The following ADAMTS2 variants were observed in gnomAD, a reference collection of about 807,000 sequenced individuals.
The protein encoded by ADAMTS2 is A disintegrin and metalloproteinase with thrombospondin motifs 2.
In ADAMTS2, 50 loss-of-function variants were observed where a neutral mutation model predicts 123.0. The observed-to-expected ratio is 0.41, with a 90% confidence interval of 0.32 to 0.51. The LOEUF (loss-of-function observed/expected upper bound fraction) is 0.51, where lower values mean the gene tolerates loss of function less well. ADAMTS2 is among the 20% of genes least tolerant of loss of function. ADAMTS2 has a pLI of 0.35. For missense variants in ADAMTS2, 1,494 were observed against 1,705.2 expected, an observed-to-expected ratio of 0.88 and a Z score of 2.18; for synonymous variants, 678 against 695.4, an observed-to-expected ratio of 0.98 and a Z score of 0.39.
At chr5:179,276,666 G>A (rs1054810544) in intron 2 of ADAMTS2, among the ~76,000 whole-genome samples, 2 of 152,192 alleles carry the variant, frequency 1.3e-5, no homozygotes, top group African/African-American at 4.8e-5. Context: ...ACAGGCTGCT[G>A]GGGACACACA....
chr5:179,321,209 C>T (rs1477904539), intron 2 of ADAMTS2, among the ~76,000 whole-genome samples: 1 of 152,180 alleles, frequency 6.6e-6, no homozygotes, highest in South Asian at 2.1e-4. Context: ...TGAGCAAACT[C>T]AAGCCACCTA....
At position 179,309,037 on chromosome 5, in the gene ADAMTS2, C is replaced by T. The variant is rs536588664; in HGVS notation, c.534+34730G>A. ...GTCTCTTCCGCTGCCCTGGCAGCCC[C>T]GTGCCTCCTGACTGTGGACTGGAGT... On this transcript the variant is annotated intron_variant, in intron 2 of 21. Transcript: ENST00000251582. 3.3e-5 allele frequency among the ~76,000 whole-genome samples: 5 copies of T among 152,310 alleles called. No homozygotes were observed. The East Asian group carries it at 7.7e-4, about 24-fold the overall frequency.
In ADAMTS2 at chr5:179,254,890, T is replaced by C. The variant is rs190042558; in HGVS notation, c.688+18021A>G. On this transcript the variant is annotated intron_variant, in intron 3 of 21. Coordinates refer to ENST00000251582, the MANE Select transcript of ADAMTS2 (RefSeq NM_014244.5). ...TCAGGGACAGAGACCAGATTGTTCA[T>C]ACTCAGTGCCCAGCAGGGCGCTGGC... Among the ~76,000 whole-genome samples the C allele has an allele frequency of 2.0e-5, 3 of 152,354 alleles. No individual in the cohort carries two copies. In the East Asian group the frequency reaches 5.8e-4, roughly 29 times the overall value.
At chr5:179,248,376 C>G (rs1375823110) in intron 3 of ADAMTS2, among the ~76,000 whole-genome samples, 2 of 152,012 alleles carry the variant, frequency 1.3e-5, no homozygotes, top group African/African-American at 4.8e-5. Context: ...AATTCAGTCC[C>G]TCCTTATCAG....
At chr5:179,214,538 T>G (rs1353535161) in intron 3 of ADAMTS2, among the ~76,000 whole-genome samples, 1 of 145,632 alleles carries the variant, frequency 6.9e-6, no homozygotes, top group Non-Finnish European at 1.5e-5. Context: ...CATAAAATAA[T>G]GCAAAGATCA....
chr5:179,200,960 G>A (rs1425915820), intron 4 of ADAMTS2, among the ~76,000 whole-genome samples: 1 of 152,002 alleles, frequency 6.6e-6, no homozygotes, highest in Non-Finnish European at 1.5e-5. Flanking sequence ...GCATGAATAG[G>A]CCAAGCAAAA....
Position 179,117,613 on chromosome 5 carries a change from C to T in ADAMTS2, c.3179-3289G>A, listed in dbSNP as rs1281018567. Among the ~76,000 whole-genome samples the T allele has an allele frequency of 1.3e-5, 2 of 149,932 alleles. No individual in the cohort carries two copies. The highest frequency in any genetic ancestry group is 2.5e-5 in the African/African-American group (1 of 40,490). On this transcript the variant is annotated intron_variant, in intron 21 of 21. Transcript: ENST00000251582. This position sits in a 1 kb window ranked among gnomAD's most constrained non-coding sequence, Gnocchi z 4.2. ...TGTCGCCCAGGCTGGAGTGCAGTGG[C>T]GTGATCTTGGCTCACTGCAACCTCC...
At position 179,162,603 on chromosome 5, in the gene ADAMTS2, G is replaced by A. The variant is rs1238072451; in HGVS notation, c.976-3724C>T. On this transcript the variant is annotated intron_variant, in intron 5 of 21. Coordinates refer to ENST00000251582, the MANE Select transcript of ADAMTS2 (RefSeq NM_014244.5). This position sits in a 1 kb window ranked among gnomAD's most constrained non-coding sequence, Gnocchi z 5.1. ...CACCCATGTCAGCTTTACCCCACAC[G>A]GTCGCCCCTGCTCGAGGGACCCAAG... Among the ~76,000 whole-genome samples the A allele has an allele frequency of 2.0e-5, 3 of 152,124 alleles. No individual in the cohort carries two copies. Among genetic ancestry groups the A allele is most frequent in the East Asian group, 1.9e-4 (1 of 5,184 alleles).
rs924936047 is a variant in ADAMTS2, at chr5:179,130,048, C to T, written c.2341G>A (p.Val781Met). 1.4e-5 allele frequency: 22 copies of T among 1,614,192 alleles called. No homozygotes were observed. Among genetic ancestry groups the T allele is most frequent in the South Asian group, 4.4e-5 (4 of 91,078 alleles). ...ATGAAGGTTTTGGAACTGGCATCCA[C>T]GTCATTCTCTTCATTTAAGATGAAC... ...GKFILNEEND[V>M]DASSKTFIAM... is the part of the protein sequence containing the mutation. The change falls in exon 16 of 22, where the codon GTG becomes ATG. Residue 781 changes from valine (V) to methionine (M), a missense_variant. Physicochemically the swap from Val to Met is conservative, Grantham distance 21. Coordinates refer to ENST00000251582, the MANE Select transcript of ADAMTS2 (RefSeq NM_014244.5). This position sits in a 1 kb window ranked among gnomAD's most constrained non-coding sequence, Gnocchi z 4.3.
At chr5:179,131,921 C>G (rs758460267) in intron 15 of ADAMTS2, among the ~76,000 whole-genome samples, 1 of 152,200 alleles carries the variant, frequency 6.6e-6, no homozygotes, top group South Asian at 2.1e-4. Flanking sequence ...GCCTTCCCGC[C>G]CCGACTGTGA....
rs1461435392 is a variant in ADAMTS2 at position 179,188,970 on chromosome 5, C to T, written c.892-7815G>A. Reference sequence around the variant, plus strand: ...GCAAGAGGCTGCCCCTCCCCCTCTCCTGAATTTGGGGGGTTAGCAGAGTGT... The same window carrying T: ...GCAAGAGGCTGCCCCTCCCCCTCTCTTGAATTTGGGGGGTTAGCAGAGTGT... On this transcript the variant is annotated intron_variant, in intron 4 of 21. Transcript: ENST00000251582. The surrounding 1 kb of genome is among the most constrained non-coding windows in gnomAD (Gnocchi z 5.1). 6.6e-6 allele frequency among the ~76,000 whole-genome samples: 1 copy of T among 152,148 alleles called. No individual in the cohort carries two copies. The highest frequency in any genetic ancestry group is 1.5e-5 in the Non-Finnish European group (1 of 68,032).
chr5:179,287,484 G>A (rs1241697238), intron 2 of ADAMTS2, among the ~76,000 whole-genome samples: 1 of 152,214 alleles, frequency 6.6e-6, no homozygotes, highest in Non-Finnish European at 1.5e-5. Context: ...TGAGGCTGGT[G>A]TCTCACATTC....
intron 3 of ADAMTS2, among the ~76,000 whole-genome samples, chr5:179,217,789 G>GGT (rs1765020553): frequency 1.8e-5 from 2 of 109,022 alleles, no homozygotes; most frequent in African/African-American, 6.1e-5. Context: ...ACTAGGGGAT[G>GGT]GCGCAAGGGG....
rs367903614 is a variant in ADAMTS2 at position 179,115,039 on chromosome 5, A to G, written c.3179-715T>C. ...TATAGCACCGCCACCTTGCGCATCC[A>G]GCCATTTCCCAAAGAAACGTGCTGC... is the stretch of plus-strand genomic sequence containing the variant. On this transcript the variant is annotated intron_variant, in intron 21 of 21. Transcript: ENST00000251582. This position sits in a 1 kb window ranked among gnomAD's most constrained non-coding sequence, Gnocchi z 4.4. 2.3e-4 allele frequency among the ~76,000 whole-genome samples: 35 copies of G among 152,290 alleles called. No homozygotes were observed. In the East Asian group the frequency reaches 6.4e-3, roughly 28 times the overall value.
intron 10 of ADAMTS2, among the ~76,000 whole-genome samples, chr5:179,143,369 G>T (rs977189968): frequency 6.6e-6 from 1 of 151,296 alleles, no homozygotes; most frequent in Non-Finnish European, 1.5e-5. Context: ...GGAGGTGGAG[G>T]TTGCAGTGAG....
intron 2 of ADAMTS2, among the ~76,000 whole-genome samples, chr5:179,337,200 G>A (rs1033616772): frequency 1.2e-4 from 18 of 152,092 alleles, no homozygotes; most frequent in Middle Eastern, 3.2e-3. Flanking sequence ...TAGGGGATGG[G>A]GGTGTCTAAC....
At chr5:179,153,660 C>T (rs751272447) in intron 8 of ADAMTS2, 37 bp from the exon 9 acceptor site, 9 of 1,580,986 alleles carry the variant, frequency 5.7e-6, no homozygotes, top group East Asian at 2.3e-5. Context: ...CAGCCTTCAG[C>T]GCGGCTGACC....
At chr5:179,322,677 G>T (rs563727291) in intron 2 of ADAMTS2, among the ~76,000 whole-genome samples, 5 of 152,198 alleles carry the variant, frequency 3.3e-5, no homozygotes, top group Non-Finnish European at 7.3e-5. Flanking sequence ...CTCTGGGAGG[G>T]CACTAGACGA....
rs1021199930 is a variant in ADAMTS2 at position 179,115,239 on chromosome 5, C to T, written c.3179-915G>A. On this transcript the variant is annotated intron_variant, in intron 21 of 21. Coordinates refer to ENST00000251582, the MANE Select transcript of ADAMTS2 (RefSeq NM_014244.5). This position sits in a 1 kb window ranked among gnomAD's most constrained non-coding sequence, Gnocchi z 4.4. ...CCTGGCCCATCTCGACCTCTGTCTG[C>T]GGCTATGTTCATTCAACCCATCAAC... Among the ~76,000 whole-genome samples, 4 of 152,250 alleles carry T rather than the reference C, an allele frequency of 2.6e-5. No individual in the cohort carries two copies. The highest frequency in any genetic ancestry group is 2.1e-4 in the South Asian group (1 of 4,816).
Sources: allele counts gnomAD v4.1 joint callset (sites outside exome capture counted in the v4.1 genomes callset), GRCh38; gene constraint gnomAD v4.1.1; non-coding constraint Gnocchi (gnomAD v3.1); transcripts MANE v1.5; gene names NCBI Gene and HGNC (gene_info 2026-07-23, HGNC 2026-07-21).